Variants in UBE2N observed in about 807,000 individuals in gnomAD.
UBE2N encodes the protein ubiquitin conjugating enzyme E2 N.
For synonymous variants in UBE2N, 70 were observed against 69.2 expected (o/e 1.01, Z -0.06); for missense variants, 60 against 192.1 (o/e 0.31, Z 4.07).
At chr12:93,423,549 T>G (rs1878482544) in intron 1 of UBE2N, among the ~76,000 whole-genome samples, 1 of 152,184 alleles carries the variant, frequency 6.6e-6, no homozygotes, top group Non-Finnish European at 1.5e-5. Context: ...TAAATTCAAC[T>G]AAGCAGCCTG....
In UBE2N at chr12:93,424,734, A is replaced by C. The variant is rs1165640331; in HGVS notation, c.31-13435T>G. On this transcript the variant is annotated intron_variant, in intron 1 of 3. Coordinates refer to ENST00000318066, the MANE Select transcript of UBE2N (RefSeq NM_003348.4). ...TTAAAAAATAAAACTTCAATTTAGC[A>C]GTTGCAAAGATCAACTTTATTATTA... 2.0e-5 allele frequency among the ~76,000 whole-genome samples: 3 copies of C among 152,252 alleles called. No individual in the cohort carries two copies. In the East Asian group the frequency reaches 5.8e-4, roughly 29 times the overall value.
chr12:93,433,696 C>A (rs567579676), intron 1 of UBE2N, among the ~76,000 whole-genome samples: 1 of 152,300 alleles, frequency 6.6e-6, no homozygotes, highest in South Asian at 2.1e-4. Flanking sequence ...ACTCTGATTA[C>A]TATAATTGTA....
Position 93,408,325 on chromosome 12 carries a change from C to T in UBE2N, c.*1714G>A, listed in dbSNP as rs1877926268. 6.6e-6 allele frequency: 1 copy of T among 152,166 alleles called. No homozygotes were observed. The highest frequency in any genetic ancestry group is 1.5e-5 in the Non-Finnish European group (1 of 68,026). 9.4% of individuals were successfully genotyped at this position (152,166 alleles called of 1,614,324 possible). A position where few individuals can be genotyped will look rare whatever the true frequency, so the allele number is the denominator to read the frequency against. On this transcript the variant is annotated 3_prime_UTR_variant, in exon 4 of 4. Coordinates refer to ENST00000318066, the MANE Select transcript of UBE2N (RefSeq NM_003348.4). ...AGCTAACATTTGTTACCAAGCAATG[C>T]ATTTATTTGGAAGGATACCAGTTAC...
rs964830671 is a variant in UBE2N, at chr12:93,407,713, T to C, written c.*2326A>G. On this transcript the variant is annotated 3_prime_UTR_variant, in exon 4 of 4. Transcript: ENST00000318066. ...AAAAATGTTGGCATCAAATTCAGAA[T>C]GTTTTAACCAGCCACACTGTGTGGG... The C allele has an allele frequency of 2.0e-5, 3 of 152,270 alleles. No homozygotes were observed. Among genetic ancestry groups the C allele is most frequent in the African/African-American group, 7.2e-5 (3 of 41,472 alleles). 9.4% of individuals were successfully genotyped at this position (152,270 alleles called of 1,614,324 possible).
At position 93,407,215 on chromosome 12, in the gene UBE2N, A is replaced by T. The variant is rs1469861537; in HGVS notation, c.*2824T>A. ...TTTCTTCTCTCCCAGGACTTTGCAG[A>T]TGCTGCTGTTCCCTCTGCCTGGAGA... On this transcript the variant is annotated 3_prime_UTR_variant, in exon 4 of 4. Coordinates refer to ENST00000318066, the MANE Select transcript of UBE2N (RefSeq NM_003348.4). The T allele has an allele frequency of 2.0e-5, 3 of 152,282 alleles. No homozygotes were observed. Among genetic ancestry groups the T allele is most frequent in the Admixed American group, 6.5e-5 (1 of 15,282 alleles). The allele number at this position is 152,282 out of a possible 1,614,324, so 9.4% of individuals were successfully genotyped here.
chr12:93,433,810 ATG>A (rs1422336318), intron 1 of UBE2N, among the ~76,000 whole-genome samples: 2 of 152,222 alleles, frequency 1.3e-5, no homozygotes, highest in African/African-American at 2.4e-5. Flanking sequence ...AGAAAACATA[ATG>A]TGTGTTCAGA....
chr12:93,415,608 T>C (rs532705791), intron 1 of UBE2N, among the ~76,000 whole-genome samples: 4 of 152,226 alleles, frequency 2.6e-5, no homozygotes, highest in Non-Finnish European at 4.4e-5. Context: ...AGTTAAGATA[T>C]TAGGGATGAA....
intron 1 of UBE2N, 68 bp from the exon 2 acceptor site, chr12:93,411,367 G>C (rs1878025277): frequency 1.3e-6 from 2 of 1,531,790 alleles, no homozygotes; most frequent in South Asian, 1.3e-5. Flanking sequence ...AGTAAAATTA[G>C]AAAGTTCATC....
At chr12:93,425,904 T>G (rs1302502216) in intron 1 of UBE2N, among the ~76,000 whole-genome samples, 10 of 152,140 alleles carry the variant, frequency 6.6e-5, no homozygotes, top group Non-Finnish European at 1.5e-5. Context: ...TTTCCTCAAT[T>G]TAAAAAAGTG....
At chr12:93,433,583 C>A (rs550431820) in intron 1 of UBE2N, among the ~76,000 whole-genome samples, 20 of 152,152 alleles carry the variant, frequency 1.3e-4, no homozygotes, top group Non-Finnish European at 2.4e-4. Flanking sequence ...CATAAGAATT[C>A]TTTTCCTTGA....
chr12:93,441,048 AGAG>A (rs1426856469), intron 1 of UBE2N: 3 of 152,706 alleles, frequency 2.0e-5, no homozygotes, highest in Admixed American at 1.3e-4. Context: ...AGAGGAGAGA[AGAG>A]GAGAGAGAAA....
chr12:93,437,304 C>T (rs932036639), intron 1 of UBE2N, among the ~76,000 whole-genome samples: 22 of 151,130 alleles, frequency 1.5e-4, no homozygotes, highest in African/African-American at 5.4e-4. Flanking sequence ...ACTATGATCA[C>T]GCCTGTGAAA....
At chr12:93,436,194 T>C (rs1878930173) in intron 1 of UBE2N, among the ~76,000 whole-genome samples, 1 of 152,174 alleles carries the variant, frequency 6.6e-6, no homozygotes, top group East Asian at 1.9e-4. Flanking sequence ...CTCAACTTCC[T>C]GGGCCAAACC....
chr12:93,425,542 T>A (rs1878554591), intron 1 of UBE2N, among the ~76,000 whole-genome samples: 1 of 152,336 alleles, frequency 6.6e-6, no homozygotes, highest in East Asian at 1.9e-4. Flanking sequence ...TGGACACCAG[T>A]GTGTCTTGCA....
chr12:93,437,080 T>C (rs1483453967), intron 1 of UBE2N, among the ~76,000 whole-genome samples: 1 of 151,854 alleles, frequency 6.6e-6, no homozygotes, highest in East Asian at 1.9e-4. Context: ...CTAGGCAACA[T>C]GGCAAGACCC....
chr12:93,412,438 A>G (rs556084050), intron 1 of UBE2N, among the ~76,000 whole-genome samples: 42 of 152,354 alleles, frequency 2.8e-4, no homozygotes, highest in African/African-American at 9.9e-4. Context: ...ATCGGTCTTG[A>G]GCACTAGATC....
rs80062839 is a variant in UBE2N at position 93,422,468 on chromosome 12, C to T, written c.31-11169G>A. Among the ~76,000 whole-genome samples the T allele has an allele frequency of 2.7e-3, 418 of 152,292 alleles. 1 individual carries two copies. Among genetic ancestry groups the T allele is most frequent in the African/African-American group, 9.3e-3 (387 of 41,556 alleles). On this transcript the variant is annotated intron_variant, in intron 1 of 3. Transcript: ENST00000318066. ...AGCTTAGTAACACAGTTCATTGGGA[C>T]TGCTGTGTGCCATGGTCCTCGAGGC...
chr12:93,419,273 C>G (rs1023298343), intron 1 of UBE2N, among the ~76,000 whole-genome samples: 2 of 152,030 alleles, frequency 1.3e-5, no homozygotes, highest in African/African-American at 4.8e-5. Context: ...GCCTGTAATC[C>G]CAGCTACTCG....
Position 93,409,083 on chromosome 12 carries a change from AAC to A in UBE2N, c.*954_*955del, listed in dbSNP as rs1877954163. 1 of 152,612 alleles carries A rather than the reference AAC, an allele frequency of 6.6e-6. No individual in the cohort carries two copies. The highest frequency in any genetic ancestry group is 2.4e-5 in the African/African-American group (1 of 41,434). The allele number at this position is 152,612 out of a possible 1,614,324, so 9.5% of individuals were successfully genotyped here. ...AATGATCATCTAATCAGACAACACA[AAC>A]ACATTTATTTCAAATTCCTAGAAGG... is the stretch of plus-strand genomic sequence containing the variant. On this transcript the variant is annotated 3_prime_UTR_variant, in exon 4 of 4. Coordinates refer to ENST00000318066, the MANE Select transcript of UBE2N (RefSeq NM_003348.4).
Sources: allele counts gnomAD v4.1 joint callset (sites outside exome capture counted in the v4.1 genomes callset), GRCh38; gene constraint gnomAD v4.1.1; transcripts MANE v1.5; gene names NCBI Gene and HGNC (gene_info 2026-07-23, HGNC 2026-07-21).